BCL2: variants seen among roughly 807,000 people sequenced by gnomAD.
BCL2 encodes the protein apoptosis regulator Bcl-2.
BCL2 carries 1 observed loss-of-function variant against 14.2 expected under a neutral mutation model. That is an observed-to-expected ratio of 0.07 (90% CI 0.02 to 0.33). The LOEUF is 0.33. BCL2 is among the 10% of genes least tolerant of loss of function. BCL2 has a pLI of 0.99. For synonymous variants in BCL2, 151 were observed against 137.2 expected, an observed-to-expected ratio of 1.10 and a Z score of -0.70; for missense variants, 247 against 305.9, an observed-to-expected ratio of 0.81 and a Z score of 1.44.
chr18:63,243,964 C>T (rs919727797), intron 2 of BCL2, among the ~76,000 whole-genome samples: 3 of 152,172 alleles, frequency 2.0e-5, no homozygotes, highest in Non-Finnish European at 4.4e-5. Context: ...AGTTTCGCGG[C>T]CGGGTGCAGT....
At chr18:63,200,854 C>T (rs1428897229) in intron 2 of BCL2, among the ~76,000 whole-genome samples, 1 of 152,014 alleles carries the variant, frequency 6.6e-6, no homozygotes, top group Non-Finnish European at 1.5e-5. Context: ...AACTCCTGGG[C>T]TCAAGTGATC....
At chr18:63,267,314 G>A (rs1405109212) in intron 2 of BCL2, among the ~76,000 whole-genome samples, 2 of 152,190 alleles carry the variant, frequency 1.3e-5, no homozygotes, top group Non-Finnish European at 2.9e-5. Flanking sequence ...GTGGCAGAGA[G>A]GCCAGCTGGA....
At chr18:63,273,017 G>GA (rs59800965) in intron 2 of BCL2, among the ~76,000 whole-genome samples, 3,773 of 109,478 alleles carry the variant, frequency 0.034, 54 homozygotes, top group African/African-American at 0.066. Context: ...GACAGAGATT[G>GA]AAAAAAAAAA....
intron 2 of BCL2, among the ~76,000 whole-genome samples, chr18:63,234,946 G>A (rs1358419030): frequency 6.6e-6 from 1 of 152,176 alleles, no homozygotes; most frequent in African/African-American, 2.4e-5. Context: ...GGACAAGGGA[G>A]TGGTGTCAAG....
chr18:63,202,772 C>T (rs1909732953), intron 2 of BCL2, among the ~76,000 whole-genome samples: 4 of 152,204 alleles, frequency 2.6e-5, no homozygotes, highest in Admixed American at 2.6e-4. Context: ...TTTGCCTAAA[C>T]ATCTTTATAT....
Position 63,134,943 on chromosome 18 carries a change from G to C in BCL2, c.586-6184C>G, listed in dbSNP as rs1914171334. ...TCTCTTCTCTCATGACAACTTTAGGGTTAGGAAGAAAAAAGGAAAGGGAGA... is the reference window on the plus strand; with the variant it reads ...TCTCTTCTCTCATGACAACTTTAGGCTTAGGAAGAAAAAAGGAAAGGGAGA... On this transcript the variant is annotated intron_variant, in intron 2 of 2. Coordinates refer to ENST00000333681, the MANE Select transcript of BCL2 (RefSeq NM_000633.3). 2.0e-5 allele frequency among the ~76,000 whole-genome samples: 3 copies of C among 152,124 alleles called. No homozygotes were observed. In the South Asian group the frequency reaches 6.2e-4, roughly 32 times the overall value.
intron 2 of BCL2, among the ~76,000 whole-genome samples, chr18:63,286,239 G>T (rs1246082048): frequency 6.6e-6 from 1 of 152,234 alleles, no homozygotes; most frequent in East Asian, 1.9e-4. Flanking sequence ...CAAACTTGCT[G>T]TGATTATTTA....
intron 2 of BCL2, among the ~76,000 whole-genome samples, chr18:63,137,986 G>C (rs1914253036): frequency 1.3e-5 from 2 of 152,212 alleles, no homozygotes; most frequent in African/African-American, 4.8e-5. Flanking sequence ...AAGAGGGCTG[G>C]AGACTCATTG....
chr18:63,134,414 G>T (rs988933432), intron 2 of BCL2, among the ~76,000 whole-genome samples: 2 of 152,140 alleles, frequency 1.3e-5, no homozygotes, highest in Non-Finnish European at 2.9e-5. Flanking sequence ...CATGCAACAG[G>T]CCCCCGGTTA....
intron 2 of BCL2, among the ~76,000 whole-genome samples, chr18:63,145,070 C>T (rs1213902628): frequency 1.3e-5 from 2 of 152,188 alleles, no homozygotes; most frequent in African/African-American, 4.8e-5. Context: ...AGGAAAAGCC[C>T]TCCTATTTAC....
intron 2 of BCL2, among the ~76,000 whole-genome samples, chr18:63,233,392 C>G (rs895168699): frequency 1.3e-5 from 2 of 151,922 alleles, no homozygotes; most frequent in Admixed American, 6.6e-5. Context: ...TTTAAACTTG[C>G]AAAATGATAC....
At chr18:63,238,186 C>T (rs1910893576) in intron 2 of BCL2, among the ~76,000 whole-genome samples, 1 of 152,180 alleles carries the variant, frequency 6.6e-6, no homozygotes, top group African/African-American at 2.4e-5. Flanking sequence ...AATGAATTCT[C>T]CTAACTGGGA....
In BCL2 at chr18:63,124,153, G is replaced by C. The variant is rs1037664327; in HGVS notation, c.*4472C>G. On this transcript the variant is annotated 3_prime_UTR_variant, in exon 3 of 3. Transcript: ENST00000333681. ...CATGGTTGTCCAAAGACATGGAACA[G>C]AATGATTCACTGGGTAAGACTAAAG... 2 of 222,200 alleles carry C rather than the reference G, an allele frequency of 9.0e-6. No homozygotes were observed. Among genetic ancestry groups the C allele is most frequent in the Non-Finnish European group, 1.8e-5 (2 of 111,014 alleles). 13.8% of individuals were successfully genotyped at this position (222,200 alleles called of 1,614,324 possible).
intron 2 of BCL2, among the ~76,000 whole-genome samples, chr18:63,134,461 C>T (rs1211740477): frequency 6.6e-6 from 1 of 152,188 alleles, no homozygotes. Flanking sequence ...CAGAAGAACT[C>T]TCATGAGCTC....
intron 2 of BCL2, among the ~76,000 whole-genome samples, chr18:63,133,845 A>C (rs1599199720): frequency 6.6e-6 from 1 of 152,298 alleles, no homozygotes; most frequent in East Asian, 1.9e-4. Context: ...ATTTTGGAAA[A>C]ATAATAAAGT....
chr18:63,291,003 C>T (rs917540455), intron 2 of BCL2, among the ~76,000 whole-genome samples: 10 of 152,074 alleles, frequency 6.6e-5, no homozygotes, highest in African/African-American at 1.9e-4. Context: ...TGATAGGTCT[C>T]AAGAACAAAC....
At chr18:63,228,687 A>G (rs1289566351) in intron 2 of BCL2, among the ~76,000 whole-genome samples, 1 of 148,414 alleles carries the variant, frequency 6.7e-6, no homozygotes, top group African/African-American at 2.5e-5. Flanking sequence ...CGGATCTGAT[A>G]AAACAGACTT....
rs115446271 is a variant in BCL2, at chr18:63,162,563, G to A, written c.586-33804C>T. Among the ~76,000 whole-genome samples the A allele has an allele frequency of 3.4e-3, 514 of 152,110 alleles. 5 individuals are homozygous for A. Among genetic ancestry groups the A allele is most frequent in the African/African-American group, 0.012 (495 of 41,486 alleles). On this transcript the variant is annotated intron_variant, in intron 2 of 2. Transcript: ENST00000333681. ...ACACAGCTGGCCAGCATTCTAGATC[G>A]TGTTTCTTACCTCTTTCTCACTTCC...
intron 2 of BCL2, among the ~76,000 whole-genome samples, chr18:63,134,311 C>G (rs1455653288): frequency 6.6e-6 from 1 of 152,034 alleles, no homozygotes; most frequent in East Asian, 1.9e-4. Context: ...TGAAAAAAAT[C>G]CAGACTCCAT....
Sources: gnomAD v4.1 joint callset for allele counts (sites outside exome capture counted in the v4.1 genomes callset) on GRCh38, gnomAD v4.1.1 for gene constraint, MANE v1.5 for transcripts, NCBI Gene and HGNC (gene_info 2026-07-23, HGNC 2026-07-21) for gene names.